The following ANO10 variants were observed in gnomAD, a reference collection of about 807,000 sequenced individuals.
The protein encoded by ANO10 is anoctamin-10.
Under a neutral mutation model 74.7 loss-of-function variants are expected in ANO10, and 77 were observed. The ratio of observed to expected loss-of-function variants is 1.03; its 90% CI spans 0.86 to 1.25. The LOEUF is 1.25. Among genes scored for constraint, ANO10 ranks in the 50% most tolerant of loss-of-function variants. The probability of loss-of-function intolerance (pLI) is 0.00; values close to 1 mark genes in which losing one functional copy is unlikely to be tolerated. For synonymous variants in ANO10, 279 were observed against 284.9 expected, an observed-to-expected ratio of 0.98 and a Z score of 0.21; for missense variants, 721 against 778.1, an observed-to-expected ratio of 0.93 and a Z score of 0.87.
chr3:43,561,427 T>C, intron 8 of ANO10, 25 bp from the exon 9 acceptor site: 1 of 1,606,460 alleles, frequency 6.2e-7, no homozygotes, highest in Non-Finnish European at 8.5e-7. Flanking sequence ...ACAAATCACA[T>C]TTTGGGAATA....
At chr3:43,467,180 CAGTT>C (rs1475331600) in intron 11 of ANO10, among the ~76,000 whole-genome samples, 4 of 152,140 alleles carry the variant, frequency 2.6e-5, no homozygotes, top group African/African-American at 9.7e-5. Flanking sequence ...CTCTATAAAA[CAGTT>C]AGAAAATTTC....
At chr3:43,600,309 T>G in intron 3 of ANO10, 75 bp downstream of exon 3, 1 of 1,559,840 alleles carries the variant, frequency 6.4e-7, no homozygotes, top group Non-Finnish European at 8.8e-7. Context: ...AAAAGTTTGC[T>G]GATCCCTGAT....
chr3:43,504,584 T>C lies in ANO10; in HGVS notation c.1797+45136A>G, dbSNP rs140969448. 9.0e-3 allele frequency among the ~76,000 whole-genome samples: 1,364 copies of C among 152,284 alleles called. 16 individuals are homozygous for C. Among genetic ancestry groups the C allele is most frequent in the Non-Finnish European group, 0.015 (990 of 68,018 alleles). The stretch of plus-strand genomic sequence containing the variant: ...TTCATAAAAAAAACAGATTAGTTTA[T>C]GTAGTTTAGAGGAAAAAGCCTTTTC... On this transcript the variant is annotated intron_variant, in intron 11 of 12. Transcript: ENST00000292246.
At chr3:43,681,842 C>A (rs1272907022) in intron 1 of ANO10, among the ~76,000 whole-genome samples, 1 of 152,030 alleles carries the variant, frequency 6.6e-6, no homozygotes, top group Non-Finnish European at 1.5e-5. Context: ...GGGTACATAA[C>A]GAAATGAAGG....
At chr3:43,495,310 A>T (rs2076874289) in intron 11 of ANO10, among the ~76,000 whole-genome samples, 1 of 152,180 alleles carries the variant, frequency 6.6e-6, no homozygotes. Flanking sequence ...TCCACCAAGA[A>T]ATTTTGAGGA....
intron 1 of ANO10, among the ~76,000 whole-genome samples, chr3:43,680,849 A>AT (rs2084186475): frequency 6.6e-6 from 1 of 152,214 alleles, no homozygotes; most frequent in Non-Finnish European, 1.5e-5. Context: ...GTGAAGGACA[A>AT]ATAAAATCCT....
chr3:43,389,602 T>G (rs2092221989), intron 12 of ANO10, among the ~76,000 whole-genome samples: 2 of 152,222 alleles, frequency 1.3e-5, no homozygotes, highest in South Asian at 4.1e-4. Context: ...TTGTGTTTAT[T>G]TTATTGCCCT....
intron 1 of ANO10, among the ~76,000 whole-genome samples, chr3:43,672,755 T>C (rs2084075430): frequency 6.6e-6 from 1 of 152,162 alleles, no homozygotes; most frequent in African/African-American, 2.4e-5. Context: ...AAACCTTAAG[T>C]TTTTTACCTG....
rs747769148 is a variant in ANO10, at chr3:43,576,916, C to T, written c.938G>A (p.Arg313His). 35 of 1,614,032 alleles carry T rather than the reference C, an allele frequency of 2.2e-5. No homozygotes were observed. Among genetic ancestry groups the T allele is most frequent in the African/African-American group, 8.0e-5 (6 of 74,914 alleles). The change falls in exon 6 of 13, where the codon CGC (arginine) becomes CAC (histidine). Residue 313 changes from arginine (R) to histidine (H), a missense_variant. By Grantham distance (29) the Arg-to-His change is conservative (BLOSUM62 0). Coordinates refer to ENST00000292246, the MANE Select transcript of ANO10 (RefSeq NM_018075.5). The stretch of plus-strand genomic sequence containing the variant: ...GAATGGCAGGGAGACCAGGTAAATG[C>T]GCAACTGTCTCTTGTAGCTGGGGTA... Reference protein sequence around the residue: ...PLYPSYKRQLRIYLVSLPFVC... With the variant: ...PLYPSYKRQLHIYLVSLPFVC...
Position 43,407,412 on chromosome 3 carries a change from C to T in ANO10, c.1914+25199G>A, listed in dbSNP as rs535286859. On this transcript the variant is annotated intron_variant, in intron 12 of 12. Transcript: ENST00000292246. ...GACTGCCAAATTGATCGCAGGTGCA[C>T]TAACCCCAAATATGTTTCTCTCCCT... Among the ~76,000 whole-genome samples the T allele has an allele frequency of 2.6e-5, 4 of 152,296 alleles. No homozygotes were observed. In the South Asian group the frequency reaches 8.3e-4, roughly 32 times the overall value.
chr3:43,510,807 A>C (rs1242212560), intron 11 of ANO10, among the ~76,000 whole-genome samples: 1 of 152,182 alleles, frequency 6.6e-6, no homozygotes, highest in Non-Finnish European at 1.5e-5. Flanking sequence ...AATTAAACCC[A>C]TCAAATTTAC....
chr3:43,614,329 T>C (rs926433609), intron 1 of ANO10, among the ~76,000 whole-genome samples: 4 of 152,214 alleles, frequency 2.6e-5, no homozygotes, highest in African/African-American at 4.8e-5. Flanking sequence ...TCATTTGAGA[T>C]ACTTTATGCC....
rs555042425 is a variant in ANO10, at chr3:43,450,238, G to A, written c.1798-17511C>T. Among the ~76,000 whole-genome samples, 10 of 151,996 alleles carry A rather than the reference G, an allele frequency of 6.6e-5. No individual in the cohort carries two copies. In the South Asian group the frequency reaches 1.2e-3, roughly 19 times the overall value. On this transcript the variant is annotated intron_variant, in intron 11 of 12. Coordinates refer to ENST00000292246, the MANE Select transcript of ANO10 (RefSeq NM_018075.5). ...CAGCATGAAAAATCTGAGCCCTGAC[G>A]GCTGTGAAAAATTATATATCAGCCA...
At chr3:43,522,047 G>A (rs2077980620) in intron 11 of ANO10, among the ~76,000 whole-genome samples, 1 of 152,094 alleles carries the variant, frequency 6.6e-6, no homozygotes, top group Admixed American at 6.6e-5. Flanking sequence ...GACACAAAGG[G>A]ACAAATAAAT....
At chr3:43,371,764 C>A (rs2091620725) in intron 12 of ANO10, among the ~76,000 whole-genome samples, 1 of 152,192 alleles carries the variant, frequency 6.6e-6, no homozygotes, top group Non-Finnish European at 1.5e-5. Context: ...TGAGGACATG[C>A]AGCTAGAGTC....
At chr3:43,624,462 G>C (rs1473318875), upstream of ANO10, among the ~76,000 whole-genome samples, 1 of 152,200 alleles carries the variant, frequency 6.6e-6, no homozygotes, top group Non-Finnish European at 1.5e-5. Context: ...CCTCGAAATA[G>C]TGAGAGACTT....
At chr3:43,444,983 C>A (rs939126247) in intron 11 of ANO10, among the ~76,000 whole-genome samples, 1 of 151,798 alleles carries the variant, frequency 6.6e-6, no homozygotes, top group Admixed American at 6.6e-5. Flanking sequence ...ATTAGCCAGG[C>A]CTGGTGACAG....
intron 11 of ANO10, among the ~76,000 whole-genome samples, chr3:43,542,622 T>C (rs1187335598): frequency 2.6e-5 from 4 of 152,194 alleles, no homozygotes; most frequent in African/African-American, 9.7e-5. Flanking sequence ...TGTCTCCATT[T>C]TATATCCAAG....
At chr3:43,567,334 G>A (rs957110682) in intron 7 of ANO10, among the ~76,000 whole-genome samples, 10 of 151,370 alleles carry the variant, frequency 6.6e-5, no homozygotes, top group African/African-American at 1.7e-4. Flanking sequence ...TACAGAGAAC[G>A]CCACAAAGAT....
Sources: allele counts gnomAD v4.1 joint callset (sites outside exome capture counted in the v4.1 genomes callset), GRCh38; gene constraint gnomAD v4.1.1; transcripts MANE v1.5; gene names NCBI Gene and HGNC (gene_info 2026-07-23, HGNC 2026-07-21).